The following TMEM132C variants were observed in gnomAD, a reference collection of about 807,000 sequenced individuals.
The protein encoded by TMEM132C is transmembrane protein 132C.
A neutral mutation model predicts 61.4 loss-of-function variants in TMEM132C; 29 were observed. That is an observed-to-expected ratio of 0.47 (90% CI 0.35 to 0.64). The LOEUF is 0.64. Ranked by LOEUF, TMEM132C falls within the 30% of genes least tolerant of loss-of-function variation. The probability of loss-of-function intolerance (pLI) is 0.00; values close to 1 mark genes in which losing one functional copy is unlikely to be tolerated. For missense variants in TMEM132C, 1,408 were observed against 1,476.9 expected (o/e 0.95, Z 0.76); for synonymous variants, 656 against 633.1 (o/e 1.04, Z -0.54).
At chr12:128,682,872 A>ATTG (rs1270542307) in intron 5 of TMEM132C, among the ~76,000 whole-genome samples, 1 of 152,196 alleles carries the variant, frequency 6.6e-6, no homozygotes, top group Non-Finnish European at 1.5e-5. Context: ...ATCCCAGGCA[A>ATTG]CGGCTGCTGG....
chr12:128,335,085 C>A (rs75576548), intron 1 of TMEM132C, among the ~76,000 whole-genome samples: 1 of 152,076 alleles, frequency 6.6e-6, no homozygotes, highest in Non-Finnish European at 1.5e-5. Flanking sequence ...TGCCACATTT[C>A]GTTTTAAAAT....
chr12:128,485,246 T>A (rs1321534948), intron 2 of TMEM132C, among the ~76,000 whole-genome samples: 3 of 152,146 alleles, frequency 2.0e-5, no homozygotes, highest in Non-Finnish European at 4.4e-5. Context: ...GTGTGATCTC[T>A]GCTCACTGCA....
intron 2 of TMEM132C, among the ~76,000 whole-genome samples, chr12:128,448,898 T>C (rs1226219598): frequency 6.6e-6 from 1 of 151,940 alleles, no homozygotes; most frequent in Non-Finnish European, 1.5e-5. Context: ...AGAAATTTTA[T>C]AGGCCGAGGC....
At chr12:128,505,008 C>CTTTACGTAGTAAGTAAGATTACTTACTAT (rs1555228160) in intron 2 of TMEM132C, among the ~76,000 whole-genome samples, 1 of 152,078 alleles carries the variant, frequency 6.6e-6, no homozygotes, top group African/African-American at 2.4e-5. Context: ...TTACTTACTA[C>CTTTACGTAGTAAGTAAGATTACTTACTAT]GTAAATATGA....
chr12:128,305,819 G>A (rs898884030), intron 1 of TMEM132C, among the ~76,000 whole-genome samples: 18 of 152,230 alleles, frequency 1.2e-4, no homozygotes, highest in African/African-American at 4.1e-4. Context: ...GCTGATTGCT[G>A]GCAGACCTTT....
At chr12:128,622,631 C>G (rs116256560) in intron 4 of TMEM132C, among the ~76,000 whole-genome samples, 1 of 151,614 alleles carries the variant, frequency 6.6e-6, no homozygotes, top group Non-Finnish European at 1.5e-5. Context: ...CGGATCTGCA[C>G]GTCAATCTGC....
intron 1 of TMEM132C, among the ~76,000 whole-genome samples, chr12:128,276,784 C>A (rs938013880): frequency 6.6e-6 from 1 of 152,142 alleles, no homozygotes; most frequent in Non-Finnish European, 1.5e-5. Context: ...CGGTATTCTA[C>A]TAGCAAGTCT....
intron 2 of TMEM132C, among the ~76,000 whole-genome samples, chr12:128,509,229 C>T (rs1033947730): frequency 5.9e-5 from 9 of 152,112 alleles, no homozygotes; most frequent in Admixed American, 5.2e-4. Flanking sequence ...ACACAAGTTA[C>T]AGTAGGATCT....
chr12:128,405,029 G>A (rs1018297499), intron 1 of TMEM132C, among the ~76,000 whole-genome samples: 4 of 152,070 alleles, frequency 2.6e-5, no homozygotes, highest in African/African-American at 7.2e-5. Flanking sequence ...CTGCTCTCCA[G>A]GCTGTCTCCC....
At chr12:128,342,950 C>T (rs965179961) in intron 1 of TMEM132C, among the ~76,000 whole-genome samples, 1 of 152,204 alleles carries the variant, frequency 6.6e-6, no homozygotes, top group African/African-American at 2.4e-5. Flanking sequence ...TTGCAATCTT[C>T]AGGGGTTCTG....
At chr12:128,529,741 G>A (rs959099294) in intron 2 of TMEM132C, among the ~76,000 whole-genome samples, 6 of 152,234 alleles carry the variant, frequency 3.9e-5, no homozygotes, top group South Asian at 2.1e-4. Flanking sequence ...AGCCGAGATC[G>A]TGCCACTGCA....
chr12:128,470,702 T>C (rs2136080074), intron 2 of TMEM132C, among the ~76,000 whole-genome samples: 1 of 152,320 alleles, frequency 6.6e-6, no homozygotes, highest in East Asian at 1.9e-4. Context: ...GAGGAATGTG[T>C]TCAAGTTTTG....
intron 2 of TMEM132C, among the ~76,000 whole-genome samples, chr12:128,482,856 T>G (rs1361697178): frequency 6.6e-6 from 1 of 152,092 alleles, no homozygotes; most frequent in Non-Finnish European, 1.5e-5. Flanking sequence ...CACCAAGCCC[T>G]GCACAGAGCA....
At chr12:128,314,631 TGTTTATAA>T (rs1872086127) in intron 1 of TMEM132C, among the ~76,000 whole-genome samples, 1 of 152,160 alleles carries the variant, frequency 6.6e-6, no homozygotes, top group Non-Finnish European at 1.5e-5. Context: ...GTAACTGGTA[TGTTTATAA>T]GGAGAGGAGA....
intron 3 of TMEM132C, among the ~76,000 whole-genome samples, chr12:128,592,849 C>T (rs1001643828): frequency 2.6e-5 from 4 of 152,198 alleles, no homozygotes; most frequent in Non-Finnish European, 5.9e-5. Flanking sequence ...GAGGCCTGGG[C>T]CCTTCTCAGG....
At chr12:128,615,780 C>T (rs938525562) in intron 3 of TMEM132C, among the ~76,000 whole-genome samples, 1 of 152,194 alleles carries the variant, frequency 6.6e-6, no homozygotes, top group Non-Finnish European at 1.5e-5. Context: ...GGGACCCCAG[C>T]CTATAGCATC....
chr12:128,706,330 T>G lies in TMEM132C; in HGVS notation c.*35T>G. ...GCCAAAGGGCCCTGCCCAGATGCCT[T>G]CCTTGTACTGGAAACTGGCCCAAGT... is the stretch of plus-strand genomic sequence containing the variant. On this transcript the variant is annotated 3_prime_UTR_variant, in exon 9 of 9. Coordinates refer to ENST00000435159, the MANE Select transcript of TMEM132C (RefSeq NM_001136103.3). 6.8e-7 allele frequency: 1 copy of G among 1,467,260 alleles called. No homozygotes were observed. Among genetic ancestry groups the G allele is most frequent in the Non-Finnish European group, 9.0e-7 (1 of 1,110,602 alleles). The allele number at this position is 1,467,260 out of a possible 1,614,324, so 90.9% of individuals were successfully genotyped here.
chr12:128,446,929 A>G (rs1048724994), intron 2 of TMEM132C, among the ~76,000 whole-genome samples: 3 of 152,038 alleles, frequency 2.0e-5, no homozygotes, highest in African/African-American at 7.2e-5. Context: ...AGTCCAAGGA[A>G]CTAGGCCTAG....
At chr12:128,392,600 A>G (rs1229866575) in intron 1 of TMEM132C, among the ~76,000 whole-genome samples, 1 of 152,142 alleles carries the variant, frequency 6.6e-6, no homozygotes, top group African/African-American at 2.4e-5. Context: ...AAGGGTATCA[A>G]AGAAGACTTC....
Sources: gnomAD v4.1 joint callset for allele counts (sites outside exome capture counted in the v4.1 genomes callset) on GRCh38, gnomAD v4.1.1 for gene constraint, MANE v1.5 for transcripts, NCBI Gene and HGNC (gene_info 2026-07-23, HGNC 2026-07-21) for gene names.